Variants in INPP5B observed in about 807,000 individuals in gnomAD.
The protein encoded by INPP5B is type II inositol 1,4,5-trisphosphate 5-phosphatase.
Under a neutral mutation model 118.5 loss-of-function variants are expected in INPP5B, and 90 were observed. The ratio of observed to expected loss-of-function variants is 0.76; its 90% CI spans 0.64 to 0.90. The LOEUF is 0.90. INPP5B is among the 40% of genes least tolerant of loss of function. The probability of loss-of-function intolerance (pLI) is 0.00; values close to 1 mark genes in which losing one functional copy is unlikely to be tolerated. For synonymous variants in INPP5B, 385 were observed against 418.9 expected, an observed-to-expected ratio of 0.92 and a Z score of 0.99; for missense variants, 984 against 1,125.6, an observed-to-expected ratio of 0.87 and a Z score of 1.80.
chr1:37,943,723 C>T lies in INPP5B; in HGVS notation c.251-54G>A, dbSNP rs114328240. Reference sequence around the variant, plus strand: ...AGCAATTGAGCTTACTCCCCCTTGCCCCCCCATCAAGGACAAAGATGAGCT... The same window carrying T: ...AGCAATTGAGCTTACTCCCCCTTGCTCCCCCATCAAGGACAAAGATGAGCT... On this transcript the variant is annotated intron_variant, in intron 4 of 23. Coordinates refer to ENST00000373024, the MANE Select transcript of INPP5B (RefSeq NM_005540.3). 5.5e-3 allele frequency: 8,848 copies of T among 1,612,296 alleles called. 419 individuals are homozygous for T. In the African/African-American group the frequency reaches 0.1, roughly 19 times the overall value.
intron 6 of INPP5B, among the ~76,000 whole-genome samples, chr1:37,938,258 G>A (rs191899791): frequency 7.3e-6 from 1 of 137,824 alleles, no homozygotes; most frequent in Non-Finnish European, 1.5e-5. Flanking sequence ...AACAGGGCGA[G>A]ACTCTGTCTC....
At chr1:37,915,501 A>G (rs1422760684) in intron 7 of INPP5B, among the ~76,000 whole-genome samples, 2 of 152,244 alleles carry the variant, frequency 1.3e-5, no homozygotes, top group Non-Finnish European at 2.9e-5. Context: ...CAGCCTTCAG[A>G]GCTTTCAGGA....
intron 13 of INPP5B, chr1:37,883,600 G>A (rs377350662): frequency 2.3e-4 from 228 of 985,332 alleles, no homozygotes; most frequent in African/African-American, 5.4e-4. Context: ...AGCAGTACAC[G>A]CACACCAAAA....
chr1:37,896,329 C>CT (rs1349932643), intron 7 of INPP5B, among the ~76,000 whole-genome samples: 19 of 151,326 alleles, frequency 1.3e-4, no homozygotes, highest in African/African-American at 4.6e-4. Context: ...ACCGCCCCGT[C>CT]TGAGAAGTGA....
Position 37,865,513 on chromosome 1 carries a change from C to T in INPP5B, c.2514+248G>A, listed in dbSNP as rs376188578. On this transcript the variant is annotated intron_variant, in intron 22 of 23. Transcript: ENST00000373024. ...AGAGAGAGGATGGGTGATAGATCAACGAGACTGGGCACATGGGAGGCAAGG... is the reference window on the plus strand; with the variant it reads ...AGAGAGAGGATGGGTGATAGATCAATGAGACTGGGCACATGGGAGGCAAGG... Among the ~76,000 whole-genome samples, 22 of 152,124 alleles carry T rather than the reference C, an allele frequency of 1.4e-4. No individual in the cohort carries two copies. The East Asian group carries it at 1.5e-3, about 11-fold the overall frequency.
rs930040732 is a variant in INPP5B, at chr1:37,891,755, C to A, written c.533-301G>T. Among the ~76,000 whole-genome samples the A allele has an allele frequency of 4.6e-5, 7 of 152,156 alleles. No individual in the cohort carries two copies. The South Asian group carries it at 1.4e-3, about 31-fold the overall frequency. ...TGCCGTTGCACTCCAGCCTGGGCAA[C>A]AAGAGCAAAACTCCATCTCAAAAAC... On this transcript the variant is annotated intron_variant, in intron 7 of 23. Transcript: ENST00000373024.
intron 7 of INPP5B, among the ~76,000 whole-genome samples, chr1:37,901,892 A>G (rs1644345706): frequency 6.6e-6 from 1 of 151,916 alleles, no homozygotes; most frequent in Non-Finnish European, 1.5e-5. Context: ...TTTTAACCTC[A>G]GACCTCCAAT....
intron 19 of INPP5B, among the ~76,000 whole-genome samples, chr1:37,872,063 C>CAAAAA (rs34131982): frequency 6.5e-4 from 38 of 58,208 alleles, no homozygotes; most frequent in Non-Finnish European, 9.2e-4. Context: ...GACTCCATCT[C>CAAAAA]AAAAAAAAAA....
chr1:37,946,098 G>C (rs1646101038), intron 2 of INPP5B, among the ~76,000 whole-genome samples, 154 bp downstream of exon 2: 2 of 152,234 alleles, frequency 1.3e-5, no homozygotes, highest in South Asian at 4.1e-4. Context: ...ATTTGGCTGA[G>C]AGTCCAGGAC....
At chr1:37,899,549 C>T (rs550134566) in intron 7 of INPP5B, among the ~76,000 whole-genome samples, 13 of 151,930 alleles carry the variant, frequency 8.6e-5, no homozygotes, top group African/African-American at 2.7e-4. Context: ...GCAACAAGAG[C>T]GAAACTCTGC....
Position 37,864,275 on chromosome 1 carries a change from T to C in INPP5B, c.2626+37A>G, listed in dbSNP as rs559623902. On this transcript the variant is annotated intron_variant, in intron 23 of 23. Transcript: ENST00000373024. ...CATTTCTCATTACGAGTCTCTCAGT[T>C]TGCAGAAATGCTTTCCATAGACATT... 3 of 1,178,048 alleles carry C rather than the reference T, an allele frequency of 2.5e-6. No individual in the cohort carries two copies. In the South Asian group the frequency reaches 3.8e-5, roughly 15 times the overall value. 73.0% of individuals were successfully genotyped at this position (1,178,048 alleles called of 1,614,324 possible).
intron 23 of INPP5B, among the ~76,000 whole-genome samples, chr1:37,863,597 A>AAG (rs1397120269): frequency 6.6e-6 from 1 of 151,038 alleles, no homozygotes; most frequent in Non-Finnish European, 1.5e-5. Context: ...GCCGAGGCAC[A>AAG]AGAATCACTT....
At position 37,870,984 on chromosome 1, in the gene INPP5B, G is replaced by A. The variant is rs188861348; in HGVS notation, c.2187+1946C>T. ...GGCCTGGCCAACATGGCGAAACCCC[G>A]TCTCTACTAAAAATATAAAAAAATT... On this transcript the variant is annotated intron_variant, in intron 19 of 23. Coordinates refer to ENST00000373024, the MANE Select transcript of INPP5B (RefSeq NM_005540.3). Among the ~76,000 whole-genome samples, 27 of 151,616 alleles carry A rather than the reference G, an allele frequency of 1.8e-4. No individual in the cohort carries two copies. The East Asian group carries it at 3.5e-3, about 20-fold the overall frequency.
intron 15 of INPP5B, 117 bp from the exon 16 acceptor site, chr1:37,878,440 A>G: frequency 6.7e-7 from 1 of 1,491,404 alleles, no homozygotes. Context: ...CATGTGGCTA[A>G]GTCATCTGAG....
At chr1:37,912,537 C>G (rs1011022840) in intron 7 of INPP5B, among the ~76,000 whole-genome samples, 1 of 152,156 alleles carries the variant, frequency 6.6e-6, no homozygotes, top group East Asian at 1.9e-4. Flanking sequence ...CTTGTCATCC[C>G]TATCTTCTGT....
At chr1:37,890,012 G>A (rs530799580) in intron 8 of INPP5B, among the ~76,000 whole-genome samples, 8 of 152,290 alleles carry the variant, frequency 5.3e-5, no homozygotes, top group Admixed American at 2.6e-4. Flanking sequence ...AGTTCTAAAT[G>A]AGAAAAATGA....
chr1:37,874,122 T>C lies in INPP5B; in HGVS notation c.1822A>G (p.Lys608Glu), dbSNP rs768968308. 1.3e-6 allele frequency: 2 copies of C among 1,591,818 alleles called. No homozygotes were observed. Among genetic ancestry groups the C allele is most frequent in the Non-Finnish European group, 1.7e-6 (2 of 1,163,530 alleles). The change falls in exon 18 of 24, where the codon AAA becomes GAA. Residue 608 changes from lysine (K) to glutamate (E), a missense_variant. Coordinates refer to ENST00000373024, the MANE Select transcript of INPP5B (RefSeq NM_005540.3). Reference sequence around the variant, plus strand: ...TTATGAATTGTAAAGGATTCTACTTTCAATTGCATGTACTTCACATTCTGA... The same window carrying C: ...TTATGAATTGTAAAGGATTCTACTTCCAATTGCATGTACTTCACATTCTGA... ...CFQNVKYMQL[K>E]VESFTIHNGQ...
chr1:37,864,592 T>C, intron 22 of INPP5B, 169 bp from the exon 23 acceptor site: 1 of 483,516 alleles, frequency 2.1e-6, no homozygotes, highest in Non-Finnish European at 3.7e-6. Flanking sequence ...ACGGGTCAAA[T>C]GCAACATGAA....
chr1:37,908,983 T>C (rs1439541404), intron 7 of INPP5B, among the ~76,000 whole-genome samples: 1 of 152,198 alleles, frequency 6.6e-6, no homozygotes, highest in African/African-American at 2.4e-5. Context: ...AACTCACACC[T>C]GACCTAAAAC....
Sources: gnomAD v4.1 joint callset for allele counts (sites outside exome capture counted in the v4.1 genomes callset) on GRCh38, gnomAD v4.1.1 for gene constraint, MANE v1.5 for transcripts, NCBI Gene and HGNC (gene_info 2026-07-23, HGNC 2026-07-21) for gene names.